Variants in ATXN1 observed in about 807,000 individuals in gnomAD.
ATXN1 encodes ataxin-1.
Under a neutral mutation model 56.4 loss-of-function variants are expected in ATXN1, and 8 were observed. The ratio of observed to expected loss-of-function variants is 0.14; its 90% CI spans 0.08 to 0.26. ATXN1 has a LOEUF of 0.26. ATXN1 is among the 10% of genes least tolerant of loss of function. The pLI, the probability that ATXN1 is intolerant of heterozygous loss-of-function variation, is 1.00. For synonymous variants in ATXN1, 514 were observed against 494.6 expected (o/e 1.04, Z -0.52); for missense variants, 987 against 1,106.5 (o/e 0.89, Z 1.53).
chr6:16,424,013 C>T (rs1388411094), intron 6 of ATXN1, among the ~76,000 whole-genome samples: 2 of 152,178 alleles, frequency 1.3e-5, no homozygotes, highest in African/African-American at 4.8e-5. Flanking sequence ...GTCCTTTTAA[C>T]CCCTTGGAGC....
chr6:16,422,486 T>C (rs373288202), intron 6 of ATXN1, among the ~76,000 whole-genome samples: 11 of 152,316 alleles, frequency 7.2e-5, no homozygotes, highest in African/African-American at 2.6e-4. Flanking sequence ...AAGTTCACCC[T>C]TTCTTGGAGA....
chr6:16,681,940 T>C (rs3793107), intron 2 of ATXN1, among the ~76,000 whole-genome samples: 49,524 of 151,984 alleles, frequency 0.33, 8,174 homozygotes, highest in Non-Finnish European at 0.35. Context: ...GTACCAATAT[T>C]TGCTCTTCTG....
chr6:16,492,405 C>T (rs972455581), intron 5 of ATXN1, among the ~76,000 whole-genome samples: 1 of 150,966 alleles, frequency 6.6e-6, no homozygotes, highest in Non-Finnish European at 1.5e-5. Context: ...GCACATGTAC[C>T]CTAAAACCTA....
In ATXN1 at chr6:16,499,082, TG is replaced by T. The variant is rs576012946; in HGVS notation, c.-298-12974del. ...ATCTAAGAATCTATTGCCAAATCCA[TG>T]GTCATGAAGATTTACTCCTGTTTTC... On this transcript the variant is annotated intron_variant, in intron 5 of 7. Coordinates refer to ENST00000436367, the MANE Select transcript of ATXN1 (RefSeq NM_001128164.2). Among the ~76,000 whole-genome samples the T allele has an allele frequency of 6.1e-3, 933 of 152,310 alleles. 14 individuals carry two copies. The highest frequency in any genetic ancestry group is 0.021 in the African/African-American group (879 of 41,576).
chr6:16,343,730 C>T (rs1281289145), intron 6 of ATXN1, among the ~76,000 whole-genome samples: 13 of 152,164 alleles, frequency 8.5e-5, no homozygotes, highest in Non-Finnish European at 1.9e-4. Context: ...AAAACCTTGA[C>T]GATGCGCGGC....
intron 2 of ATXN1, among the ~76,000 whole-genome samples, chr6:16,699,312 C>T (rs906700992): frequency 6.6e-6 from 1 of 152,178 alleles, no homozygotes; most frequent in African/African-American, 2.4e-5. Context: ...CCTCACCATT[C>T]AATGTTTTAC....
intron 3 of ATXN1, among the ~76,000 whole-genome samples, chr6:16,606,908 C>T (rs780677565): frequency 3.0e-3 from 88 of 29,212 alleles, no homozygotes; most frequent in African/African-American, 6.3e-3. Context: ...GTTTTTGAGA[C>T]GGACTTTTGC....
chr6:16,452,735 T>C (rs1294331277), intron 6 of ATXN1, among the ~76,000 whole-genome samples: 1 of 152,260 alleles, frequency 6.6e-6, no homozygotes, highest in South Asian at 2.1e-4. Context: ...TTATAGTACA[T>C]CTATTCTTGT....
At chr6:16,413,499 A>T (rs928483296) in intron 6 of ATXN1, among the ~76,000 whole-genome samples, 2 of 152,208 alleles carry the variant, frequency 1.3e-5, no homozygotes, top group African/African-American at 4.8e-5. Context: ...CAGGAACCCA[A>T]TCATTTCTGA....
chr6:16,309,199 G>C (rs1760328716), intron 7 of ATXN1, among the ~76,000 whole-genome samples: 1 of 149,474 alleles, frequency 6.7e-6, no homozygotes, highest in African/African-American at 2.5e-5. Flanking sequence ...CTGCACTCCA[G>C]CCTGGACAAC....
intron 6 of ATXN1, among the ~76,000 whole-genome samples, chr6:16,412,345 C>A (rs187989223): frequency 9.9e-5 from 15 of 152,202 alleles, no homozygotes; most frequent in Admixed American, 8.5e-4. Flanking sequence ...CCTGCGTGTC[C>A]CTTATCATCT....
At chr6:16,397,998 G>A (rs937818329) in intron 6 of ATXN1, among the ~76,000 whole-genome samples, 7 of 152,298 alleles carry the variant, frequency 4.6e-5, no homozygotes, top group African/African-American at 1.7e-4. Context: ...AAGTTGCATA[G>A]ACAGGACTCA....
chr6:16,758,133 G>A (rs1454068061), intron 1 of ATXN1, among the ~76,000 whole-genome samples: 1 of 152,204 alleles, frequency 6.6e-6, no homozygotes, highest in Non-Finnish European at 1.5e-5. Context: ...CCTACTGTCA[G>A]TACCAGTTTT....
At position 16,659,504 on chromosome 6, in the gene ATXN1, T is replaced by C. The variant is rs148526921; in HGVS notation, c.-614-1603A>G. On this transcript the variant is annotated intron_variant, in intron 2 of 7. Transcript: ENST00000436367. ...TTTCTCTTATTTGTTACCAACTTCA[T>C]ATCTCGAGGTATTCTATAATTGGAA... 3.3e-5 allele frequency among the ~76,000 whole-genome samples: 5 copies of C among 152,366 alleles called. No individual in the cohort carries two copies. The East Asian group carries it at 7.7e-4, about 23-fold the overall frequency.
intron 6 of ATXN1, among the ~76,000 whole-genome samples, chr6:16,424,050 T>G (rs1759091621): frequency 6.6e-6 from 1 of 152,184 alleles, no homozygotes; most frequent in Non-Finnish European, 1.5e-5. Context: ...CATCACATGA[T>G]CCTCCAGGTA....
intron 4 of ATXN1, among the ~76,000 whole-genome samples, chr6:16,566,854 T>G (rs1208200682): frequency 1.2e-5 from 1 of 81,872 alleles, no homozygotes; most frequent in African/African-American, 4.6e-5. Context: ...AGACTCCGTC[T>G]CAAAAACAAC....
At chr6:16,407,463 T>C (rs547810694) in intron 6 of ATXN1, among the ~76,000 whole-genome samples, 2 of 152,250 alleles carry the variant, frequency 1.3e-5, no homozygotes, top group African/African-American at 2.4e-5. Context: ...TCCTAAGGAA[T>C]ATGTTGAAAC....
intron 6 of ATXN1, among the ~76,000 whole-genome samples, chr6:16,365,751 TG>T (rs1761904561): frequency 6.6e-6 from 1 of 152,238 alleles, no homozygotes; most frequent in South Asian, 2.1e-4. Flanking sequence ...GGAATCTGCC[TG>T]GACCCAAACA....
At chr6:16,638,981 T>C (rs1355426133) in intron 3 of ATXN1, among the ~76,000 whole-genome samples, 1 of 152,176 alleles carries the variant, frequency 6.6e-6, no homozygotes, top group Non-Finnish European at 1.5e-5. Flanking sequence ...TGGAGAACTT[T>C]TCTGTCTTAC....
Sources: allele counts gnomAD v4.1 joint callset (sites outside exome capture counted in the v4.1 genomes callset), GRCh38; gene constraint gnomAD v4.1.1; transcripts MANE v1.5; gene names NCBI Gene and HGNC (gene_info 2026-07-23, HGNC 2026-07-21).